The following OSBPL6 variants were observed in gnomAD, a reference collection of about 807,000 sequenced individuals.
OSBPL6 encodes oxysterol binding protein like 6.
A neutral mutation model predicts 125.8 loss-of-function variants in OSBPL6; 49 were observed. The observed-to-expected ratio is 0.39, with a 90% CI of 0.31 to 0.49. The LOEUF is 0.49. Among genes scored for constraint, OSBPL6 ranks in the 20% least tolerant of loss-of-function variants. The probability of loss-of-function intolerance (pLI) is 0.88; values close to 1 mark genes in which losing one functional copy is unlikely to be tolerated. For synonymous variants in OSBPL6, 394 were observed against 391.8 expected (o/e 1.01, Z -0.07); for missense variants, 986 against 1,135.4 (o/e 0.87, Z 1.89).
intron 11 of OSBPL6, among the ~76,000 whole-genome samples, chr2:178,344,618 C>A (rs1464929281): frequency 1.3e-5 from 2 of 152,068 alleles, no homozygotes; most frequent in East Asian, 3.8e-4. Flanking sequence ...GTCAAATTTG[C>A]AAAATTGAGT....
intron 2 of OSBPL6, among the ~76,000 whole-genome samples, chr2:178,288,974 CTT>C (rs1468628115): frequency 6.9e-6 from 1 of 145,958 alleles, no homozygotes; most frequent in African/African-American, 2.5e-5. Context: ...TTTATTAAGA[CTT>C]TTTTCTTCTG....
At chr2:178,254,768 A>T (rs188560069) in intron 1 of OSBPL6, among the ~76,000 whole-genome samples, 97 of 152,300 alleles carry the variant, frequency 6.4e-4, no homozygotes, top group Non-Finnish European at 1.2e-3. Flanking sequence ...CCCCGAAGTG[A>T]CTGTGAAAAG....
chr2:178,293,572 G>A (rs1232872659), intron 2 of OSBPL6, among the ~76,000 whole-genome samples: 2 of 152,068 alleles, frequency 1.3e-5, no homozygotes, highest in East Asian at 3.9e-4. Context: ...ATATAGGCAT[G>A]CAATGTGTAA....
intron 12 of OSBPL6, 121 bp downstream of exon 12, chr2:178,349,510 G>C: frequency 8.3e-7 from 1 of 1,208,306 alleles, no homozygotes; most frequent in Non-Finnish European, 1.1e-6. Flanking sequence ...GGATATAGTG[G>C]TTGAAGTTCT....
At position 178,328,280 on chromosome 2, in the gene OSBPL6, G is replaced by A; in HGVS notation, c.220G>A (p.Glu74Lys). ...SKEADSWEII[E>K]GLKIGQTNVQ... ...GGAAGCTGACAGCTGGGAAATTATAGAAGGGCTGAAAATAGGCCAAACCAA... is the reference window on the plus strand; with the variant it reads ...GGAAGCTGACAGCTGGGAAATTATAAAAGGGCTGAAAATAGGCCAAACCAA... Residue 74 changes from glutamate to lysine, a missense_variant, in exon 5 of 25, where the codon GAA becomes AAA. By Grantham distance (56) the Glu-to-Lys change is moderately conservative. Around this residue, in one of 3 missense-constraint regions of OSBPL6, gnomAD observed 130 missense variants for 106.4 expected, o/e 1.22. Coordinates refer to ENST00000190611, the MANE Select transcript of OSBPL6 (RefSeq NM_032523.4). 6.2e-7 allele frequency: 1 copy of A among 1,613,778 alleles called. No individual in the cohort carries two copies. The highest frequency in any genetic ancestry group is 8.5e-7 in the Non-Finnish European group (1 of 1,179,792).
intron 1 of OSBPL6, among the ~76,000 whole-genome samples, chr2:178,259,743 T>C (rs1426221958): frequency 6.6e-6 from 1 of 152,224 alleles, no homozygotes; most frequent in Non-Finnish European, 1.5e-5. Context: ...TATAACTGCC[T>C]CTGGCTTCTT....
rs1473302402 is a variant in OSBPL6, at chr2:178,396,271, T to G, written c.*712T>G. On this transcript the variant is annotated 3_prime_UTR_variant, in exon 25 of 25. Coordinates refer to ENST00000190611, the MANE Select transcript of OSBPL6 (RefSeq NM_032523.4). ...TTTTTTAAAAGTGAACAACACGTGCTTTACTCTGATAAGTCAGTTACCATA... is the reference window on the plus strand; with the variant it reads ...TTTTTTAAAAGTGAACAACACGTGCGTTACTCTGATAAGTCAGTTACCATA... 6.4e-6 allele frequency: 1 copy of G among 156,990 alleles called. No homozygotes were observed. Among genetic ancestry groups the G allele is most frequent in the Non-Finnish European group, 1.4e-5 (1 of 70,596 alleles). The allele number at this position is 156,990 out of a possible 1,614,324, so 9.7% of individuals were successfully genotyped here.
At chr2:178,282,329 G>A (rs186743429) in intron 1 of OSBPL6, among the ~76,000 whole-genome samples, 1 of 152,342 alleles carries the variant, frequency 6.6e-6, no homozygotes, top group Non-Finnish European at 1.5e-5. Context: ...TGGTTAGTGA[G>A]ATTCAACTTG....
chr2:178,311,898 A>G (rs1687306234), intron 3 of OSBPL6, among the ~76,000 whole-genome samples: 1 of 152,248 alleles, frequency 6.6e-6, no homozygotes, highest in Non-Finnish European at 1.5e-5. Flanking sequence ...AGTTGGGAGC[A>G]TTCTTCTGCA....
rs1304136971 is a variant in OSBPL6, at chr2:178,398,386, A to C, written c.*2827A>C. ...TTCATCTCATTGGAGATGGTCATTG[A>C]GGAGAGCAGTAATAAGTGACGATGA... On this transcript the variant is annotated 3_prime_UTR_variant, in exon 25 of 25. Coordinates refer to ENST00000190611, the MANE Select transcript of OSBPL6 (RefSeq NM_032523.4). 3.3e-5 allele frequency: 5 copies of C among 152,174 alleles called. No individual in the cohort carries two copies. The highest frequency in any genetic ancestry group is 4.4e-5 in the Non-Finnish European group (3 of 68,056). 9.4% of individuals were successfully genotyped at this position (152,174 alleles called of 1,614,324 possible). A position where few individuals can be genotyped will look rare whatever the true frequency, so the allele number is the denominator to read the frequency against.
intron 18 of OSBPL6, among the ~76,000 whole-genome samples, chr2:178,384,625 C>G (rs1694770977): frequency 6.6e-6 from 1 of 152,096 alleles, no homozygotes; most frequent in Non-Finnish European, 1.5e-5. Flanking sequence ...TCACTTATGC[C>G]TCAGTCTCAC....
chr2:178,394,565 A>G, intron 24 of OSBPL6, 130 bp downstream of exon 24: 1 of 1,209,066 alleles, frequency 8.3e-7, no homozygotes, highest in Non-Finnish European at 1.2e-6. Context: ...CAGTGAAAAT[A>G]TTGAATCGAT....
chr2:178,364,967 A>G (rs1261027145), intron 13 of OSBPL6, among the ~76,000 whole-genome samples: 1 of 152,168 alleles, frequency 6.6e-6, no homozygotes, highest in Non-Finnish European at 1.5e-5. Flanking sequence ...TCATGAGGTC[A>G]GGAGTTCGAG....
intron 11 of OSBPL6, among the ~76,000 whole-genome samples, chr2:178,344,875 A>C (rs973171172): frequency 1.3e-5 from 2 of 152,226 alleles, no homozygotes; most frequent in Non-Finnish European, 2.9e-5. Context: ...AGTTACACTT[A>C]GCAAGGGAAA....
In OSBPL6 at chr2:178,257,058, A is replaced by G. The variant is rs571232404; in HGVS notation, c.-350-27869A>G. On this transcript the variant is annotated intron_variant, in intron 1 of 24. Transcript: ENST00000190611. ...GAATCGAATATATGTGTGTCTTAGC[A>G]TTGGAAGGCCAAATATCTAGCTTTC... Among the ~76,000 whole-genome samples the G allele has an allele frequency of 2.0e-5, 3 of 152,340 alleles. 1 individual carries two copies. In the South Asian group the frequency reaches 6.2e-4, roughly 32 times the overall value.
intron 13 of OSBPL6, among the ~76,000 whole-genome samples, chr2:178,367,527 A>C (rs1692952918): frequency 6.6e-6 from 1 of 152,158 alleles, no homozygotes; most frequent in African/African-American, 2.4e-5. Context: ...CATTTAGTAA[A>C]ATGTTTATGC....
intron 5 of OSBPL6, among the ~76,000 whole-genome samples, chr2:178,330,389 G>A (rs1345730518): frequency 6.6e-6 from 1 of 152,188 alleles, no homozygotes; most frequent in East Asian, 1.9e-4. Flanking sequence ...GCTTTGCATT[G>A]TTGTCTTTTC....
intron 1 of OSBPL6, among the ~76,000 whole-genome samples, chr2:178,215,070 G>A (rs976833647): frequency 2.7e-5 from 4 of 150,052 alleles, no homozygotes; most frequent in Admixed American, 2.7e-4. Context: ...CTGATGCAAA[G>A]TACTGGTTTA....
intron 2 of OSBPL6, 69 bp downstream of exon 2, chr2:178,285,190 C>A (rs1684579565): frequency 2.5e-6 from 1 of 396,898 alleles, no homozygotes; most frequent in Non-Finnish European, 4.4e-6. Flanking sequence ...ATAATAGCAA[C>A]AGATTAGTGG....
Sources: gnomAD v4.1 joint callset for allele counts (sites outside exome capture counted in the v4.1 genomes callset) on GRCh38, gnomAD v4.1.1 for gene constraint, gnomAD v4.1.1 regional missense constraint, MANE v1.5 for transcripts, NCBI Gene and HGNC (gene_info 2026-07-23, HGNC 2026-07-21) for gene names.